RNF13: variants seen among roughly 807,000 people sequenced by gnomAD.
The protein encoded by RNF13 is E3 ubiquitin-protein ligase RNF13.
Under a neutral mutation model 37.7 loss-of-function variants are expected in RNF13, and 19 were observed. That is an observed-to-expected ratio of 0.50 (90% confidence interval 0.35 to 0.74). RNF13 has a LOEUF of 0.74. RNF13 is among the 30% of genes least tolerant of loss of function. The pLI is 0.01. For missense variants in RNF13, 375 were observed against 453.0 expected, an observed-to-expected ratio of 0.83 and a Z score of 1.56; for synonymous variants, 144 against 157.8, an observed-to-expected ratio of 0.91 and a Z score of 0.65.
intron 1 of RNF13, among the ~76,000 whole-genome samples, chr3:149,813,597 T>C (rs1407391187): frequency 1.3e-5 from 2 of 152,162 alleles, no homozygotes; most frequent in African/African-American, 4.8e-5. Context: ...CAAAGTTGAG[T>C]TACCGGTTTT....
rs868539849 is a variant in RNF13 at position 149,882,339 on chromosome 3, T to C, written c.321+10185T>C. Among the ~76,000 whole-genome samples the C allele has an allele frequency of 5.5e-4, 83 of 152,240 alleles. 1 individual carries two copies. The highest frequency in any genetic ancestry group is 1.9e-3 in the African/African-American group (80 of 41,550). On this transcript the variant is annotated intron_variant, in intron 4 of 9. Transcript: ENST00000392894. ...CCAACAGATACGAGGAAATTTTATT[T>C]TTTTGACTTATATATTGCTGGATAG...
At chr3:149,814,620 A>G (rs1053035461) in intron 1 of RNF13, among the ~76,000 whole-genome samples, 3 of 152,232 alleles carry the variant, frequency 2.0e-5, no homozygotes, top group Admixed American at 6.5e-5. Context: ...AGTAAATATT[A>G]TGGCAAGAAG....
intron 3 of RNF13, among the ~76,000 whole-genome samples, chr3:149,869,607 GAA>G (rs762634498): frequency 2.8e-5 from 4 of 145,186 alleles, no homozygotes; most frequent in African/African-American, 1.0e-4. Flanking sequence ...CTCCGCCTCA[GAA>G]AAAAAAAAAA....
At chr3:149,831,685 G>C (rs1721071138) in intron 1 of RNF13, among the ~76,000 whole-genome samples, 1 of 152,172 alleles carries the variant, frequency 6.6e-6, no homozygotes, top group African/African-American at 2.4e-5. Flanking sequence ...GACTTTGGGG[G>C]ACTGTTGGGA....
chr3:149,902,132 C>A lies in RNF13; in HGVS notation c.470C>A (p.Ser157Tyr), dbSNP rs1715908701. The A allele has an allele frequency of 6.5e-7, 1 of 1,526,890 alleles. No individual in the cohort carries two copies. Among genetic ancestry groups the A allele is most frequent in the African/African-American group, 1.4e-5 (1 of 70,374 alleles). 94.6% of individuals were successfully genotyped at this position (1,526,890 alleles called of 1,614,324 possible). The part of the protein sequence containing the change: ...SVFIGESSAN[S>Y]LKDEFTYEKG... The stretch of plus-strand genomic sequence containing the variant: ...TTTATTGGTGAATCATCAGCTAATT[C>A]TCTGAAAGATGAATTCACATATGAA... The change falls in exon 6 of 10, where the codon TCT (serine) becomes TAT (tyrosine). Residue 157 changes from serine (S) to tyrosine (Y), a missense_variant. Transcript: ENST00000392894.
At chr3:149,850,104 C>A (rs1722996914) in intron 2 of RNF13, among the ~76,000 whole-genome samples, 1 of 151,914 alleles carries the variant, frequency 6.6e-6, no homozygotes, top group Non-Finnish European at 1.5e-5. Context: ...CTCAGCCTTG[C>A]AAGTAGCTGG....
chr3:149,938,121 C>T (rs1334841242), intron 8 of RNF13, among the ~76,000 whole-genome samples: 1 of 151,688 alleles, frequency 6.6e-6, no homozygotes, highest in African/African-American at 2.4e-5. Flanking sequence ...TTATTAGGTA[C>T]ATACACATTA....
At chr3:149,822,542 A>G (rs970224811) in intron 1 of RNF13, 12 of 152,160 alleles carry the variant, frequency 7.9e-5, no homozygotes, top group African/African-American at 2.7e-4. Context: ...TAAATAAGAA[A>G]GTGGAAAGTG....
chr3:149,864,008 A>ATTTT (rs535062004), intron 3 of RNF13, among the ~76,000 whole-genome samples: 5 of 29,692 alleles, frequency 1.7e-4, no homozygotes, highest in African/African-American at 3.2e-4. Flanking sequence ...TTTGATTGGA[A>ATTTT]TTTTTTTTTT....
rs752273584 is a variant in RNF13, at chr3:149,910,414, C to A, written c.501-1564C>A. The stretch of plus-strand genomic sequence containing the variant: ...GCTACTTGTATTCTAGCAATCGTAG[C>A]AATTTTTGGAAAGTTTAAATTATTG... On this transcript the variant is annotated intron_variant, in intron 6 of 9. Coordinates refer to ENST00000392894, the MANE Select transcript of RNF13 (RefSeq NM_183381.3). Among the ~76,000 whole-genome samples the A allele has an allele frequency of 5.6e-4, 86 of 152,268 alleles. 1 individual carries two copies. Among genetic ancestry groups the A allele is most frequent in the Middle Eastern group, 3.4e-3 (1 of 294 alleles).
chr3:149,948,830 C>T (rs1438840558), intron 8 of RNF13, among the ~76,000 whole-genome samples: 1 of 152,134 alleles, frequency 6.6e-6, no homozygotes, highest in African/African-American at 2.4e-5. Context: ...AGTTTGAGAC[C>T]AGCCTGGGCA....
Position 149,868,797 on chromosome 3 carries a change from A to G in RNF13, c.196-3232A>G, listed in dbSNP as rs118141304. ...ATCCTCTCTTTGTCCTTGACCTTTG[A>G]GAGTTTGATTAGTGTATGTCTTGGG... On this transcript the variant is annotated intron_variant, in intron 3 of 9. Transcript: ENST00000392894. Among the ~76,000 whole-genome samples the G allele has an allele frequency of 8.6e-5, 13 of 151,466 alleles. 1 individual carries two copies. In the East Asian group the frequency reaches 1.9e-3, roughly 23 times the overall value.
At position 149,863,203 on chromosome 3, in the gene RNF13, TTTAA is replaced by T. The variant is rs1724454006; in HGVS notation, c.196-8821_196-8818del. Among the ~76,000 whole-genome samples, 3 of 152,342 alleles carry T rather than the reference TTTAA, an allele frequency of 2.0e-5. No homozygotes were observed. The South Asian group carries it at 6.2e-4, about 32-fold the overall frequency. On this transcript the variant is annotated intron_variant, in intron 3 of 9. Coordinates refer to ENST00000392894, the MANE Select transcript of RNF13 (RefSeq NM_183381.3). ...AGATTGATAAGCAAATTGTATCAAC[TTTAA>T]TTAACCAGGTTGTGTTCAACTATAA...
intron 1 of RNF13, among the ~76,000 whole-genome samples, chr3:149,828,534 G>A (rs1430295375): frequency 6.6e-6 from 1 of 152,170 alleles, no homozygotes; most frequent in East Asian, 1.9e-4. Flanking sequence ...ATTCATGAAA[G>A]CAATTTCATT....
At chr3:149,902,549 G>A (rs1715953429) in intron 6 of RNF13, among the ~76,000 whole-genome samples, 1 of 151,922 alleles carries the variant, frequency 6.6e-6, no homozygotes, top group African/African-American at 2.4e-5. Flanking sequence ...CCAAAACATT[G>A]TGTTAAGGGA....
In RNF13 at chr3:149,918,196, TG is replaced by T. The variant is rs1371005669; in HGVS notation, c.607-2937del. 2.6e-5 allele frequency among the ~76,000 whole-genome samples: 4 copies of T among 152,264 alleles called. No individual in the cohort carries two copies. The East Asian group carries it at 7.7e-4, about 29-fold the overall frequency. ...ATATATGATATTTTTATATTCTTTTTGTATAGTGTCTTTGTAATCTGGTGTC... is the reference window on the plus strand; with the variant it reads ...ATATATGATATTTTTATATTCTTTTTTATAGTGTCTTTGTAATCTGGTGTC... On this transcript the variant is annotated intron_variant, in intron 7 of 9. Coordinates refer to ENST00000392894, the MANE Select transcript of RNF13 (RefSeq NM_183381.3).
At chr3:149,844,548 T>G (rs1722465508) in intron 1 of RNF13, among the ~76,000 whole-genome samples, 2 of 152,346 alleles carry the variant, frequency 1.3e-5, no homozygotes, top group South Asian at 4.1e-4. Flanking sequence ...ACATTTTTTG[T>G]AAAGTGTAGG....
intron 1 of RNF13, among the ~76,000 whole-genome samples, chr3:149,825,768 T>A (rs1390237253): frequency 6.6e-6 from 1 of 152,226 alleles, no homozygotes; most frequent in Admixed American, 6.5e-5. Context: ...CTCTAAAAAA[T>A]TGAAAACAGC....
At chr3:149,905,849 G>A (rs972937878) in intron 6 of RNF13, among the ~76,000 whole-genome samples, 12 of 151,600 alleles carry the variant, frequency 7.9e-5, no homozygotes, top group Non-Finnish European at 4.4e-5. Flanking sequence ...CATACCATAA[G>A]GTTTACCCAT....
Sources: gnomAD v4.1 joint callset for allele counts (sites outside exome capture counted in the v4.1 genomes callset) on GRCh38, gnomAD v4.1.1 for gene constraint, MANE v1.5 for transcripts, NCBI Gene and HGNC (gene_info 2026-07-23, HGNC 2026-07-21) for gene names.